MTCL1: variants seen among roughly 807,000 people sequenced by gnomAD.
MTCL1 encodes microtubule crosslinking factor 1.
In MTCL1, 79 loss-of-function variants were observed where a neutral mutation model predicts 141.4. That is an observed-to-expected ratio of 0.56 (90% confidence interval 0.47 to 0.67). MTCL1 has a LOEUF of 0.67. Among genes scored for constraint, MTCL1 ranks in the 30% least tolerant of loss-of-function variants. MTCL1 has a pLI of 0.00. For synonymous variants in MTCL1, 914 were observed against 875.8 expected, an observed-to-expected ratio of 1.04 and a Z score of -0.77; for missense variants, 2,177 against 2,113.9, an observed-to-expected ratio of 1.03 and a Z score of -0.59.
chr18:8,706,983 G>C (rs1383016901), intron 1 of MTCL1: 3 of 469,766 alleles, frequency 6.4e-6, no homozygotes, highest in African/African-American at 6.2e-5. Flanking sequence ...TTTTACTTTT[G>C]TTGACCTGTT....
intron 9 of MTCL1, among the ~76,000 whole-genome samples, chr18:8,797,522 T>A (rs2075968437): frequency 1.3e-5 from 2 of 152,264 alleles, no homozygotes; most frequent in African/African-American, 4.8e-5. Context: ...TGTACATCAC[T>A]GACCCTGGCT....
chr18:8,774,733 C>A (rs1324130778), intron 4 of MTCL1, among the ~76,000 whole-genome samples: 1 of 152,220 alleles, frequency 6.6e-6, no homozygotes, highest in African/African-American at 2.4e-5. Context: ...AGTAATCTGC[C>A]CACTTCGGCC....
At chr18:8,738,127 T>C (rs534091978) in intron 4 of MTCL1, among the ~76,000 whole-genome samples, 8 of 152,282 alleles carry the variant, frequency 5.3e-5, no homozygotes, top group African/African-American at 1.9e-4. Flanking sequence ...TTCTGTTGGG[T>C]AGCTACGCAG....
Position 8,767,145 on chromosome 18 carries a change from C to G in MTCL1, c.358-10688C>G, listed in dbSNP as rs570397882. On this transcript the variant is annotated intron_variant, in intron 4 of 16. Coordinates refer to ENST00000359865, the Ensembl canonical transcript of MTCL1. ...CCTTAAGAATCATGAGATCATGGAGCAGAAAGTTACCCCCTCCTCTTGAAT... is the reference window on the plus strand; with the variant it reads ...CCTTAAGAATCATGAGATCATGGAGGAGAAAGTTACCCCCTCCTCTTGAAT... Among the ~76,000 whole-genome samples the G allele has an allele frequency of 2.0e-5, 3 of 152,182 alleles. No individual in the cohort carries two copies. In the South Asian group the frequency reaches 6.2e-4, roughly 32 times the overall value.
intron 4 of MTCL1, among the ~76,000 whole-genome samples, chr18:8,774,343 T>C: frequency 6.6e-6 from 1 of 152,176 alleles, no homozygotes; most frequent in East Asian, 1.9e-4. Context: ...AAACATGGCG[T>C]CTTTATTACA....
chr18:8,829,634 T>G (rs2077133289), intron 16 of MTCL1: 1 of 985,334 alleles, frequency 1.0e-6, no homozygotes, highest in African/African-American at 1.7e-5. Context: ...ATCAAGGATA[T>G]AGTCATCCAC....
exon 6 of MTCL1, chr18:8,784,617 G>C: frequency 6.2e-7 from 1 of 1,613,620 alleles, no homozygotes; most frequent in Non-Finnish European, 8.5e-7. Context: ...GAGGAGCAGG[G>C]TGAGGGGGAC....
At chr18:8,823,590 A>G (rs982800907) in intron 14 of MTCL1, among the ~76,000 whole-genome samples, 1 of 152,268 alleles carries the variant, frequency 6.6e-6, no homozygotes, top group Non-Finnish European at 1.5e-5. Context: ...GGCACTGGAT[A>G]TAGCCAGCTT....
chr18:8,725,794 T>TTC (rs1555628764), intron 4 of MTCL1, among the ~76,000 whole-genome samples: 1 of 60,532 alleles, frequency 1.7e-5, no homozygotes, highest in Non-Finnish European at 3.3e-5. Context: ...TTTTTTCTTT[T>TTC]TTTTTTTTTT....
intron 4 of MTCL1, among the ~76,000 whole-genome samples, chr18:8,744,948 G>T (rs2096327739): frequency 6.6e-6 from 1 of 152,218 alleles, no homozygotes; most frequent in Non-Finnish European, 1.5e-5. Flanking sequence ...AGGGCAGCCA[G>T]CCCCCCTGAG....
intron 12 of MTCL1, among the ~76,000 whole-genome samples, chr18:8,815,657 AAAG>A (rs963362379): frequency 1.1e-4 from 16 of 152,114 alleles, no homozygotes; most frequent in Admixed American, 9.2e-4. Flanking sequence ...AAAAAAAAAA[AAAG>A]AAAAGTCAGT....
exon 15 of MTCL1, chr18:8,825,001 C>G: frequency 6.2e-7 from 1 of 1,613,280 alleles, no homozygotes; most frequent in Non-Finnish European, 8.5e-7. Context: ...GTCACCATGA[C>G]CACGGACACC....
chr18:8,817,732 AC>A (rs2076705438), intron 12 of MTCL1, among the ~76,000 whole-genome samples: 1 of 152,050 alleles, frequency 6.6e-6, no homozygotes, highest in South Asian at 2.1e-4. Flanking sequence ...TTATTTGGCC[AC>A]TCCTTCAGGT....
At chr18:8,832,014 T>G in exon 17 of MTCL1, 1 of 632,954 alleles carries the variant, frequency 1.6e-6, no homozygotes, top group African/African-American at 1.8e-5. Flanking sequence ...TTAATTTTTT[T>G]CATAGCTCAG....
Position 8,718,649 on chromosome 18 carries a change from G to A in MTCL1, c.198+1G>A. The A allele has an allele frequency of 1.9e-6, 3 of 1,612,480 alleles. No individual in the cohort carries two copies. Among genetic ancestry groups the A allele is most frequent in the Non-Finnish European group, 2.5e-6 (3 of 1,179,942 alleles). Reference sequence around the variant, plus strand: ...TCGAAGCCTGGAGCAGGACTTGAAGGTGAGTGAGGGGGTGGTGCGTGCACC... The same window carrying A: ...TCGAAGCCTGGAGCAGGACTTGAAGATGAGTGAGGGGGTGGTGCGTGCACC... On this transcript the variant is annotated splice_donor_variant, in intron 3 of 16. Transcript: ENST00000359865. LOFTEE classifies it high-confidence loss of function.
At position 8,771,089 on chromosome 18, in the gene MTCL1, C is replaced by T. The variant is rs1026982484; in HGVS notation, c.358-6744C>T. On this transcript the variant is annotated intron_variant, in intron 4 of 16. Coordinates refer to ENST00000359865, the Ensembl canonical transcript of MTCL1. Reference sequence around the variant, plus strand: ...TGGCTGAACGAGAGGCTAATTAATTCGCATCCTTCACATCTTCTGGCACTT... The same window carrying T: ...TGGCTGAACGAGAGGCTAATTAATTTGCATCCTTCACATCTTCTGGCACTT... Among the ~76,000 whole-genome samples, 5 of 152,104 alleles carry T rather than the reference C, an allele frequency of 3.3e-5. No individual in the cohort carries two copies. In the East Asian group the frequency reaches 5.8e-4, roughly 18 times the overall value.
chr18:8,749,921 A>G (rs1025670487), intron 4 of MTCL1, among the ~76,000 whole-genome samples: 5 of 152,260 alleles, frequency 3.3e-5, no homozygotes, highest in African/African-American at 1.2e-4. Context: ...CTCTAAGAGT[A>G]ACTTTACTAC....
At chr18:8,751,936 AC>A (rs1223507135) in intron 4 of MTCL1, among the ~76,000 whole-genome samples, 3 of 152,186 alleles carry the variant, frequency 2.0e-5, no homozygotes, top group Non-Finnish European at 4.4e-5. Context: ...GCTGCTGCAG[AC>A]TGCACTTTCA....
intron 13 of MTCL1, among the ~76,000 whole-genome samples, chr18:8,821,138 T>A (rs1598806526): frequency 6.6e-6 from 1 of 152,340 alleles, no homozygotes; most frequent in East Asian, 1.9e-4. Context: ...CAAATCCCGC[T>A]TTGAAATTCA....
Sources: allele counts gnomAD v4.1 joint callset (sites outside exome capture counted in the v4.1 genomes callset), GRCh38; gene constraint gnomAD v4.1.1; transcripts MANE v1.5; gene names NCBI Gene and HGNC (gene_info 2026-07-23, HGNC 2026-07-21).